Variants in GRK4 observed in about 807,000 individuals in gnomAD.
GRK4 encodes G protein-coupled receptor kinase 2-like.
A neutral mutation model predicts 77.9 loss-of-function variants in GRK4; 73 were observed. That is an observed-to-expected ratio of 0.94 (90% CI 0.78 to 1.14). The LOEUF is 1.14. Among genes scored for constraint, GRK4 ranks in the 50% most tolerant of loss-of-function variants. The pLI is 0.00. For missense variants in GRK4, 729 were observed against 700.2 expected (o/e 1.04, Z -0.46); for synonymous variants, 257 against 254.4 (o/e 1.01, Z -0.10).
At chr4:3,021,508 G>A (rs1736075772) in intron 9 of GRK4, among the ~76,000 whole-genome samples, 1 of 152,160 alleles carries the variant, frequency 6.6e-6, no homozygotes. Flanking sequence ...AGCCAATATG[G>A]GATAAATATC....
chr4:3,019,690 T>C lies in GRK4; in HGVS notation c.791T>C (p.Leu264Pro), dbSNP rs1426806441. The C allele has an allele frequency of 6.2e-7, 1 of 1,614,102 alleles. No homozygotes were observed. Among genetic ancestry groups the C allele is most frequent in the Non-Finnish European group, 8.5e-7 (1 of 1,180,048 alleles). ...YETKDALCLV[L>P]TIMNGGDLKF... ...ACCAAAGATGCCTTGTGCTTGGTGC[T>C]CACCATTATGAATGGAGGGGATTTG... Residue 264 changes from leucine (L) to proline (P), a missense_variant, in exon 9 of 16, where the codon CTC becomes CCC. Coordinates refer to ENST00000398052, the MANE Select transcript of GRK4 (RefSeq NM_182982.3).
intron 4 of GRK4, among the ~76,000 whole-genome samples, chr4:2,996,970 A>G (rs1249683107): frequency 6.6e-6 from 1 of 152,218 alleles, no homozygotes; most frequent in East Asian, 1.9e-4. Flanking sequence ...CTGTAATCCC[A>G]GCACTTTGGG....
intron 1 of GRK4, among the ~76,000 whole-genome samples, chr4:2,972,372 G>A (rs1210672681): frequency 3.3e-5 from 5 of 152,080 alleles, no homozygotes; most frequent in East Asian, 1.9e-4. Context: ...CAGCATAGCC[G>A]GCCCACCTTT....
intron 8 of GRK4, among the ~76,000 whole-genome samples, chr4:3,017,464 C>T (rs886470502): frequency 2.0e-5 from 3 of 152,078 alleles, no homozygotes; most frequent in Admixed American, 6.6e-5. Context: ...ACAAGGCTGG[C>T]GTGATAAAAG....
intron 1 of GRK4, among the ~76,000 whole-genome samples, chr4:2,980,080 T>C (rs1722432343): frequency 6.6e-6 from 1 of 152,218 alleles, no homozygotes; most frequent in African/African-American, 2.4e-5. Context: ...TTTCTTTGGG[T>C]CTGACAAGAG....
chr4:3,008,574 G>A (rs1009794378), intron 6 of GRK4, among the ~76,000 whole-genome samples: 10 of 152,246 alleles, frequency 6.6e-5, no homozygotes, highest in South Asian at 6.2e-4. Flanking sequence ...AGGCCGAGGC[G>A]GGTGGATCAC....
chr4:3,004,472 G>A, intron 5 of GRK4, 138 bp downstream of exon 5: 1 of 557,530 alleles, frequency 1.8e-6, no homozygotes, highest in Non-Finnish European at 3.2e-6. Flanking sequence ...TAGGGACGCT[G>A]ACACCACCCA....
In GRK4 at chr4:3,035,479, A is replaced by G. The variant is rs1407900751; in HGVS notation, c.1363A>G (p.Arg455Gly). 6.2e-7 allele frequency: 1 copy of G among 1,614,026 alleles called. No individual in the cohort carries two copies. Among genetic ancestry groups the G allele is most frequent in the Admixed American group, 1.7e-5 (1 of 60,000 alleles). The change falls in exon 13 of 16, where the codon AGG becomes GGG. Residue 455 changes from arginine (R) to glycine (G), a missense_variant. By Grantham distance (125) the Arg-to-Gly change is moderately radical. Coordinates refer to ENST00000398052, the MANE Select transcript of GRK4 (RefSeq NM_182982.3). Reference sequence around the variant, plus strand: ...CCCCGTGTTCAAGGACATCAACTTCAGGAGGCTGGAGGCAAACATGCTGGA... The same window carrying G: ...CCCCGTGTTCAAGGACATCAACTTCGGGAGGCTGGAGGCAAACATGCTGGA... The part of the protein sequence containing the change: ...QHPVFKDINF[R>G]RLEANMLEPP...
chr4:3,033,566 C>G (rs775745904), intron 12 of GRK4, among the ~76,000 whole-genome samples: 31 of 152,122 alleles, frequency 2.0e-4, no homozygotes, highest in Non-Finnish European at 3.7e-4. Flanking sequence ...ATTTTCAGAT[C>G]TGTTTTATTA....
intron 3 of GRK4, among the ~76,000 whole-genome samples, chr4:2,989,879 C>G (rs1167806106): frequency 6.6e-6 from 1 of 152,122 alleles, no homozygotes; most frequent in Non-Finnish European, 1.5e-5. Context: ...ACTTTCAAAG[C>G]TATGAAATTC....
At chr4:2,975,343 G>C (rs1720797756) in intron 1 of GRK4, among the ~76,000 whole-genome samples, 1 of 152,112 alleles carries the variant, frequency 6.6e-6, no homozygotes, top group Non-Finnish European at 1.5e-5. Context: ...TCCTCCATGA[G>C]GGCCAGACGT....
intron 4 of GRK4, among the ~76,000 whole-genome samples, chr4:2,998,991 G>A (rs146163980): frequency 3.3e-5 from 5 of 152,294 alleles, no homozygotes; most frequent in African/African-American, 1.2e-4. Flanking sequence ...AATCAAGACA[G>A]TATGGTCCTG....
At chr4:2,968,156 A>T (rs1485869857) in intron 1 of GRK4, among the ~76,000 whole-genome samples, 1 of 152,120 alleles carries the variant, frequency 6.6e-6, no homozygotes, top group African/African-American at 2.4e-5. Context: ...AGCAACTTAT[A>T]ACTTTTATGC....
intron 2 of GRK4, among the ~76,000 whole-genome samples, chr4:2,988,178 A>G (rs1374156764): frequency 1.3e-5 from 2 of 151,322 alleles, no homozygotes; most frequent in Non-Finnish European, 2.9e-5. Flanking sequence ...CCTGTGTTAC[A>G]TTCCCAGTAG....
At chr4:2,990,256 T>C in intron 3 of GRK4, among the ~76,000 whole-genome samples, 1 of 136,910 alleles carries the variant, frequency 7.3e-6, no homozygotes, top group African/African-American at 2.7e-5. Flanking sequence ...CTTTTTTTTT[T>C]TTTTTTTTTT....
At chr4:3,018,051 A>G (rs918568792) in intron 8 of GRK4, among the ~76,000 whole-genome samples, 3 of 149,968 alleles carry the variant, frequency 2.0e-5, no homozygotes, top group African/African-American at 4.9e-5. Context: ...AGCCCTCATC[A>G]TTTTCTTTTT....
intron 8 of GRK4, among the ~76,000 whole-genome samples, chr4:3,016,449 C>T (rs910843144): frequency 1.7e-4 from 25 of 150,556 alleles, no homozygotes; most frequent in African/African-American, 5.9e-4. Flanking sequence ...ACTCAGAAGA[C>T]GGAGGTTGCA....
intron 4 of GRK4, among the ~76,000 whole-genome samples, chr4:2,993,597 C>T (rs1726923987): frequency 6.6e-6 from 1 of 152,170 alleles, no homozygotes; most frequent in Non-Finnish European, 1.5e-5. Context: ...TCACTTGAAC[C>T]TGGGAGGTAA....
chr4:3,007,169 T>G (rs919953139), intron 5 of GRK4, among the ~76,000 whole-genome samples: 1 of 152,186 alleles, frequency 6.6e-6, no homozygotes, highest in African/African-American at 2.4e-5. Flanking sequence ...GCCATTGCAC[T>G]CCAGCCTGGG....
Sources: gnomAD v4.1 joint callset for allele counts (sites outside exome capture counted in the v4.1 genomes callset) on GRCh38, gnomAD v4.1.1 for gene constraint, MANE v1.5 for transcripts, NCBI Gene and HGNC (gene_info 2026-07-23, HGNC 2026-07-21) for gene names.